Variants in PACSIN3 observed in about 807,000 individuals in gnomAD.
PACSIN3 encodes protein kinase C and casein kinase substrate in neurons protein 3.
In PACSIN3, 34 loss-of-function variants were observed where a neutral mutation model predicts 56.1. The ratio of observed to expected loss-of-function variants is 0.61; its 90% CI spans 0.46 to 0.81. The LOEUF is 0.81. Among genes scored for constraint, PACSIN3 ranks in the 30% least tolerant of loss-of-function variants. The probability of loss-of-function intolerance (pLI) is 0.00; values close to 1 mark genes in which losing one functional copy is unlikely to be tolerated. For missense variants in PACSIN3, 535 were observed against 592.4 expected (o/e 0.90, Z 1.01); for synonymous variants, 218 against 229.8 (o/e 0.95, Z 0.46).
At position 47,178,525 on chromosome 11, in the gene PACSIN3, AG is replaced by A; in HGVS notation, c.1038-39del. Reference sequence around the variant, plus strand: ...GGCAAAGGGAGCAGCTCAGAGTGCAAGGAACACGGGGCTGGAGATCTCACCC... The same window carrying A: ...GGCAAAGGGAGCAGCTCAGAGTGCAAGAACACGGGGCTGGAGATCTCACCC... On this transcript the variant is annotated intron_variant, in intron 9 of 10. Transcript: ENST00000298838. The surrounding 1 kb of genome is among the most constrained non-coding windows in gnomAD (Gnocchi z 4.2). 1 of 1,606,356 alleles carries A rather than the reference AG, an allele frequency of 6.2e-7. No individual in the cohort carries two copies. The highest frequency in any genetic ancestry group is 8.5e-7 in the Non-Finnish European group (1 of 1,175,766).
At chr11:47,182,272 C>G (rs1590974336) in intron 4 of PACSIN3, 131 bp downstream of exon 4, 1 of 838,440 alleles carries the variant, frequency 1.2e-6, no homozygotes, top group East Asian at 2.6e-5. Flanking sequence ...TGAGGATGAC[C>G]AGGAGGATCT....
At chr11:47,185,144 C>T (rs1188283464) in intron 1 of PACSIN3, 1 of 152,458 alleles carries the variant, frequency 6.6e-6, no homozygotes, top group Non-Finnish European at 1.5e-5. Flanking sequence ...ATGCAATCTT[C>T]CCAGCCCCGG....
Position 47,179,194 on chromosome 11 carries a change from C to T in PACSIN3, c.865G>A (p.Gly289Arg), listed in dbSNP as rs140983686. The T allele has an allele frequency of 1.9e-6, 3 of 1,613,772 alleles. No individual in the cohort carries two copies. The highest frequency in any genetic ancestry group is 1.1e-5 in the South Asian group (1 of 91,092). ...EDLRWWRSTH[G>R]PGMAMNWPQF... ...GGCCAGTTCATGGCCATGCCTGGCC[C>T]GTGGGTGCTGCGCCACCAGCGCAGA... is the stretch of plus-strand genomic sequence containing the variant. Residue 289 changes from glycine (G) to arginine (R), a missense_variant, in exon 8 of 11, where the codon GGG (glycine) becomes AGG (arginine). Physicochemically the swap from Gly to Arg is moderately radical, Grantham distance 125. Coordinates refer to ENST00000298838, the MANE Select transcript of PACSIN3 (RefSeq NM_016223.5). The surrounding 1 kb of genome is among the most constrained non-coding windows in gnomAD (Gnocchi z 4.4).
rs766490060 is a variant in PACSIN3, at chr11:47,179,158, C to T, written c.900+1G>A. 6.2e-7 allele frequency: 1 copy of T among 1,613,610 alleles called. No homozygotes were observed. Among genetic ancestry groups the T allele is most frequent in the African/African-American group, 1.3e-5 (1 of 74,948 alleles). ...ATCCCCACCCCGCCTGGAACACATGCCTCGAACTGTGGCCAGTTCATGGCC... is the reference window on the plus strand; with the variant it reads ...ATCCCCACCCCGCCTGGAACACATGTCTCGAACTGTGGCCAGTTCATGGCC... On this transcript the variant is annotated splice_donor_variant, in intron 8 of 10. Coordinates refer to ENST00000298838, the MANE Select transcript of PACSIN3 (RefSeq NM_016223.5). LOFTEE classifies it high-confidence loss of function. This position sits in a 1 kb window ranked among gnomAD's most constrained non-coding sequence, Gnocchi z 4.4.
Position 47,179,048 on chromosome 11 carries a change from AT to A in PACSIN3, c.901-19del. On this transcript the variant is annotated intron_variant, in intron 8 of 10. Transcript: ENST00000298838. The surrounding 1 kb of genome is among the most constrained non-coding windows in gnomAD (Gnocchi z 4.4). ...GACCACTCCTGTGGGGACAGTGCTT[AT>A]AGTCAGGTGGGGCCATCTGAACCAC... 6.2e-7 allele frequency: 1 copy of A among 1,614,110 alleles called. No individual in the cohort carries two copies.
Position 47,182,561 on chromosome 11 carries a change from T to C in PACSIN3, c.55-2A>G. On this transcript the variant is annotated splice_acceptor_variant, in intron 3 of 10. Transcript: ENST00000298838. LOFTEE classifies it high-confidence loss of function. ...TACCGTGCGCCTGTAGTTGCCAGCC[T>C]GGGCATACAGGAAAAGGGTGCCATC... The C allele has an allele frequency of 6.2e-7, 1 of 1,609,548 alleles. No individual in the cohort carries two copies.
rs185699768 is a variant in PACSIN3 at position 47,178,610 on chromosome 11, C to T, written c.1038-123G>A. On this transcript the variant is annotated intron_variant, in intron 9 of 10. Transcript: ENST00000298838. This position sits in a 1 kb window ranked among gnomAD's most constrained non-coding sequence, Gnocchi z 4.2. ...GCACCTGGGAGAGTCAGGTGAGGTACTAAAGATTCTAGCTCTACCTCGCCA... is the reference window on the plus strand; with the variant it reads ...GCACCTGGGAGAGTCAGGTGAGGTATTAAAGATTCTAGCTCTACCTCGCCA... The T allele has an allele frequency of 1.6e-6, 2 of 1,276,234 alleles. No homozygotes were observed. The highest frequency in any genetic ancestry group is 2.1e-6 in the Non-Finnish European group (2 of 936,560). 79.1% of individuals were successfully genotyped at this position (1,276,234 alleles called of 1,614,324 possible).
chr11:47,181,087 C>T (rs1028719643), intron 4 of PACSIN3, among the ~76,000 whole-genome samples: 2 of 151,934 alleles, frequency 1.3e-5, no homozygotes, highest in Non-Finnish European at 2.9e-5. Context: ...ACGGTGAAAC[C>T]CTGTCTCTAC....
Position 47,177,776 on chromosome 11 carries a change from G to A in PACSIN3, c.*155C>T. ...CCTACCAGTCCCTTCCCTAGACAAA[G>A]GCCCCTCCCCTCCCTGGGTCCCAGG... is the stretch of plus-strand genomic sequence containing the variant. On this transcript the variant is annotated 3_prime_UTR_variant, in exon 11 of 11. Transcript: ENST00000298838. 1 of 671,178 alleles carries A rather than the reference G, an allele frequency of 1.5e-6. No individual in the cohort carries two copies. The highest frequency in any genetic ancestry group is 2.6e-6 in the Non-Finnish European group (1 of 379,418). 41.6% of individuals were successfully genotyped at this position (671,178 alleles called of 1,614,324 possible). A position where few individuals can be genotyped will look rare whatever the true frequency, so the allele number is the denominator to read the frequency against.
intron 4 of PACSIN3, among the ~76,000 whole-genome samples, chr11:47,181,010 C>A (rs538312846): frequency 1.3e-5 from 2 of 152,210 alleles, no homozygotes; most frequent in South Asian, 4.1e-4. Flanking sequence ...CTCCTGTAAT[C>A]CCAGCACTTT....
rs1952965305 is a variant in PACSIN3 at position 47,179,237 on chromosome 11, T to C, written c.822A>G (p.Ala274=). Residue 274 remains alanine (A), a synonymous_variant, in exon 8 of 11, where the codon GCA becomes GCG. Coordinates refer to ENST00000298838, the MANE Select transcript of PACSIN3 (RefSeq NM_016223.5). This position sits in a 1 kb window ranked among gnomAD's most constrained non-coding sequence, Gnocchi z 4.4. ...AGCGCAGATCCTCTTCGTCACTGGC[T>C]GCCTCAATGCCCTGGTGCAAGTCAC... ...LHRDLHQGIE[A]ASDEEDLRWW... 6 of 1,613,922 alleles carry C rather than the reference T, an allele frequency of 3.7e-6. No individual in the cohort carries two copies. Among genetic ancestry groups the C allele is most frequent in the African/African-American group, 1.3e-5 (1 of 74,930 alleles).
At chr11:47,184,404 G>A (rs928933560) in intron 1 of PACSIN3, 30 of 152,252 alleles carry the variant, frequency 2.0e-4, no homozygotes, top group African/African-American at 6.8e-4. Context: ...TTCAGCCGGG[G>A]TGTATAACCC....
chr11:47,184,707 C>T (rs1198673106), intron 1 of PACSIN3, among the ~76,000 whole-genome samples: 1 of 152,196 alleles, frequency 6.6e-6, no homozygotes, highest in African/African-American at 2.4e-5. Flanking sequence ...GTTCCCTCTG[C>T]AGTGTGTCCT....
intron 1 of PACSIN3, chr11:47,185,794 G>C (rs1953109643): frequency 6.6e-6 from 1 of 152,492 alleles, no homozygotes; most frequent in African/African-American, 2.4e-5. Context: ...TGCATAACTC[G>C]GAGCCCGTGG....
At position 47,178,454 on chromosome 11, in the gene PACSIN3, C is replaced by T; in HGVS notation, c.1071G>A (p.Glu357=). Residue 357 remains glutamate (E), a synonymous_variant, in exon 10 of 11, where the codon GAG becomes GAA. Coordinates refer to ENST00000298838, the MANE Select transcript of PACSIN3 (RefSeq NM_016223.5). The surrounding 1 kb of genome is among the most constrained non-coding windows in gnomAD (Gnocchi z 4.2). ...TGQDEEWSDE[E]SPRKAATGVR... Reference sequence around the variant, plus strand: ...CCCCGGTGGCAGCCTTCCGGGGACTCTCTTCATCTGACCACTCCTCATCCT... The same window carrying T: ...CCCCGGTGGCAGCCTTCCGGGGACTTTCTTCATCTGACCACTCCTCATCCT... The T allele has an allele frequency of 6.2e-7, 1 of 1,613,936 alleles. No individual in the cohort carries two copies.
intron 6 of PACSIN3, 129 bp downstream of exon 6, chr11:47,180,057 G>A: frequency 2.4e-6 from 2 of 821,254 alleles, no homozygotes; most frequent in Non-Finnish European, 3.9e-6. Flanking sequence ...TGATCATCTG[G>A]AGAGAGGGTG....
At position 47,180,523 on chromosome 11, in the gene PACSIN3, G is replaced by T; in HGVS notation, c.379C>A (p.Arg127Ser). The T allele has an allele frequency of 6.2e-7, 1 of 1,603,786 alleles. No homozygotes were observed. Residue 127 changes from arginine to serine, a missense_variant, in exon 5 of 11, where the codon CGC becomes AGC. By Grantham distance (110) the Arg-to-Ser change is moderately radical. Coordinates refer to ENST00000298838, the MANE Select transcript of PACSIN3 (RefSeq NM_016223.5). ...CCGTCCTCGGCCGCCCGGCTCTCGC[G>T]GAAGCCGCCCAGCACAGGCCGGTGG... ...AFHRPVLGGF[R>S]ESRAAEDGFR...
intron 3 of PACSIN3, 48 bp downstream of exon 3, chr11:47,182,626 G>T (rs532809427): frequency 3.7e-6 from 6 of 1,603,758 alleles, no homozygotes; most frequent in Middle Eastern, 1.7e-4. Flanking sequence ...GCTGTCAGAT[G>T]GGCTCCTCCC....
In PACSIN3 at chr11:47,178,918, G is replaced by A; in HGVS notation, c.1013C>T (p.Pro338Leu). Residue 338 changes from proline (P) to leucine (L), a missense_variant, in exon 9 of 11, where the codon CCA (proline) becomes CTA (leucine). By Grantham distance (98) the Pro-to-Leu change is moderately conservative (BLOSUM62 -3). Transcript: ENST00000298838. This position sits in a 1 kb window ranked among gnomAD's most constrained non-coding sequence, Gnocchi z 4.2. ...CCCTGGGGACCCCGGGGACTGGGGT[G>A]GGGGTGCGGTGCCATCTCTTGTAGG... ...IVPTRDGTAP[P>L]PQSPGSPGTG... 8 of 1,613,936 alleles carry A rather than the reference G, an allele frequency of 5.0e-6. No homozygotes were observed. Among genetic ancestry groups the A allele is most frequent in the South Asian group, 3.3e-5 (3 of 91,068 alleles).
Sources: gnomAD v4.1 joint callset for allele counts (sites outside exome capture counted in the v4.1 genomes callset) on GRCh38, gnomAD v4.1.1 for gene constraint, Gnocchi (gnomAD v3.1) non-coding constraint, MANE v1.5 for transcripts, NCBI Gene and HGNC (gene_info 2026-07-23, HGNC 2026-07-21) for gene names.